The following AFAP1 variants were observed in gnomAD, a reference collection of about 807,000 sequenced individuals.
AFAP1 encodes the protein actin filament associated protein 1.
A neutral mutation model predicts 93.9 loss-of-function variants in AFAP1; 75 were observed. That is an observed-to-expected ratio of 0.80 (90% CI 0.66 to 0.97). The LOEUF (loss-of-function observed/expected upper bound fraction) is 0.97, where lower values mean the gene tolerates loss of function less well. Ranked by LOEUF, AFAP1 falls within the 50% of genes least tolerant of loss-of-function variation. The pLI, the probability that AFAP1 is intolerant of heterozygous loss-of-function variation, is 0.00. For missense variants in AFAP1, 1,201 were observed against 1,050.8 expected (o/e 1.14, Z -1.98); for synonymous variants, 517 against 430.7 (o/e 1.20, Z -2.48).
chr4:7,913,435 T>C (rs1236775352), intron 1 of AFAP1, among the ~76,000 whole-genome samples: 1 of 150,992 alleles, frequency 6.6e-6, no homozygotes, highest in Non-Finnish European at 1.5e-5. Flanking sequence ...ATATTAAAGA[T>C]GGGTATTGTC....
At chr4:7,844,366 C>T (rs1212642741) in intron 4 of AFAP1, among the ~76,000 whole-genome samples, 2 of 152,144 alleles carry the variant, frequency 1.3e-5, no homozygotes, top group African/African-American at 2.4e-5. Context: ...GAAGAGGCCT[C>T]GCCAGAACCC....
chr4:7,857,382 G>A (rs191406868), intron 3 of AFAP1, among the ~76,000 whole-genome samples: 65 of 152,312 alleles, frequency 4.3e-4, no homozygotes, highest in Non-Finnish European at 5.1e-4. Context: ...ATGAAGAAGA[G>A]AACTCACTCC....
At chr4:7,872,242 T>G (rs1450995540) in intron 1 of AFAP1, 162 bp from the exon 2 acceptor site, 1 of 789,572 alleles carries the variant, frequency 1.3e-6, no homozygotes, top group Non-Finnish European at 1.9e-6. Flanking sequence ...ACTAAAAGAT[T>G]CAGGCGTCTT....
intron 1 of AFAP1, among the ~76,000 whole-genome samples, chr4:7,929,767 G>A (rs1409646358): frequency 6.6e-6 from 1 of 152,232 alleles, no homozygotes; most frequent in African/African-American, 2.4e-5. Flanking sequence ...TACTGAATGA[G>A]GGAGGGAGTG....
intron 12 of AFAP1, among the ~76,000 whole-genome samples, chr4:7,785,849 G>C (rs921652161): frequency 2.6e-5 from 4 of 152,122 alleles, no homozygotes; most frequent in African/African-American, 4.8e-5. Flanking sequence ...GAGGTGGGAG[G>C]ATCGACTGAG....
chr4:7,825,628 T>C (rs182539558), intron 6 of AFAP1, among the ~76,000 whole-genome samples: 24 of 151,802 alleles, frequency 1.6e-4, no homozygotes, highest in African/African-American at 5.6e-4. Context: ...AATGCATGCA[T>C]AAGGAAAAAA....
At chr4:7,788,374 G>A (rs1717512189) in intron 11 of AFAP1, among the ~76,000 whole-genome samples, 1 of 152,266 alleles carries the variant, frequency 6.6e-6, no homozygotes, top group South Asian at 2.1e-4. Flanking sequence ...CGGGCTTGGG[G>A]CTCCGGGCTG....
intron 8 of AFAP1, among the ~76,000 whole-genome samples, chr4:7,813,788 G>C (rs1212168133): frequency 6.6e-6 from 1 of 152,204 alleles, no homozygotes; most frequent in East Asian, 1.9e-4. Context: ...TGGGTATCGT[G>C]ACCTCTGAGA....
chr4:7,890,765 G>C (rs1046210335), intron 1 of AFAP1, among the ~76,000 whole-genome samples: 2 of 152,082 alleles, frequency 1.3e-5, no homozygotes, highest in Non-Finnish European at 2.9e-5. Context: ...CCACCAGAAT[G>C]ATTAAAATTC....
In AFAP1 at chr4:7,908,453, G is replaced by A. The variant is rs529498504; in HGVS notation, c.-3+31203C>T. 1.2e-4 allele frequency among the ~76,000 whole-genome samples: 19 copies of A among 152,272 alleles called. 1 individual carries two copies. The highest frequency in any genetic ancestry group is 3.4e-3 in the Middle Eastern group (1 of 294). On this transcript the variant is annotated intron_variant, in intron 1 of 17. Transcript: ENST00000420658. ...ACTCAGTAAATGATTACTGAATTAAGTCAGTTACTAAGATATTTTAAACTT... is the reference window on the plus strand; with the variant it reads ...ACTCAGTAAATGATTACTGAATTAAATCAGTTACTAAGATATTTTAAACTT...
At chr4:7,928,773 C>T (rs1720908982) in intron 1 of AFAP1, among the ~76,000 whole-genome samples, 2 of 152,246 alleles carry the variant, frequency 1.3e-5, no homozygotes, top group South Asian at 4.1e-4. Context: ...ATGCCACACA[C>T]ATACAAAGCA....
intron 6 of AFAP1, among the ~76,000 whole-genome samples, chr4:7,836,769 C>T (rs1023403744): frequency 6.6e-6 from 1 of 151,506 alleles, no homozygotes; most frequent in Non-Finnish European, 1.5e-5. Context: ...CTTTTTGGAG[C>T]GACGAAATTC....
At chr4:7,784,621 C>T (rs1004297674) in intron 12 of AFAP1, among the ~76,000 whole-genome samples, 4 of 152,132 alleles carry the variant, frequency 2.6e-5, no homozygotes, top group Non-Finnish European at 5.9e-5. Flanking sequence ...GCCTCCCCCA[C>T]AGGAACCCCA....
chr4:7,825,300 T>C (rs554000742), intron 6 of AFAP1, among the ~76,000 whole-genome samples: 78 of 152,354 alleles, frequency 5.1e-4, no homozygotes, highest in African/African-American at 1.9e-3. Flanking sequence ...CACTACCTTC[T>C]GGCTCACCAG....
intron 1 of AFAP1, among the ~76,000 whole-genome samples, chr4:7,894,575 T>C (rs971617332): frequency 3.9e-5 from 6 of 152,144 alleles, no homozygotes; most frequent in East Asian, 3.9e-4. Context: ...ACCATGCTCC[T>C]TTCAGAATGC....
intron 8 of AFAP1, 118 bp downstream of exon 8, chr4:7,815,900 C>A (rs879194154): frequency 2.3e-6 from 2 of 855,180 alleles, no homozygotes; most frequent in African/African-American, 3.4e-5. Context: ...ACGATATCTA[C>A]ACATCTGAAT....
At chr4:7,892,440 CCAAGGAGACACTGGGGGAGGGG>C (rs1718524342) in intron 1 of AFAP1, among the ~76,000 whole-genome samples, 1 of 152,154 alleles carries the variant, frequency 6.6e-6, no homozygotes, top group Non-Finnish European at 1.5e-5. Context: ...TCTGCATTCC[CCAAGGAGACACTGGGGGAGGGG>C]CAGCCCACAG....
At position 7,826,535 on chromosome 4, in the gene AFAP1, C is replaced by T. The variant is rs183947950; in HGVS notation, c.727-7364G>A. The stretch of plus-strand genomic sequence containing the variant: ...CCACTTAGCAAGTGAAAAAGCTGGC[C>T]GGTAGGCCAAAAACAAAAACAAAAT... On this transcript the variant is annotated intron_variant, in intron 6 of 17. Coordinates refer to ENST00000420658, the MANE Select transcript of AFAP1 (RefSeq NM_001134647.2). Among the ~76,000 whole-genome samples the T allele has an allele frequency of 3.4e-3, 512 of 152,344 alleles. 4 individuals are homozygous for T. The highest frequency in any genetic ancestry group is 0.012 in the African/African-American group (495 of 41,584).
chr4:7,788,354 C>A (rs571964250), intron 11 of AFAP1, among the ~76,000 whole-genome samples: 5 of 152,218 alleles, frequency 3.3e-5, no homozygotes, highest in Non-Finnish European at 7.3e-5. Flanking sequence ...AGCGTAGCCT[C>A]GGGAGGTACC....
Sources: gnomAD v4.1 joint callset for allele counts (sites outside exome capture counted in the v4.1 genomes callset) on GRCh38, gnomAD v4.1.1 for gene constraint, MANE v1.5 for transcripts, NCBI Gene and HGNC (gene_info 2026-07-23, HGNC 2026-07-21) for gene names.